The following CCDC144A variants were observed in gnomAD, a reference collection of about 807,000 sequenced individuals.
CCDC144A encodes coiled-coil domain containing 144A.
A neutral mutation model predicts 143.8 loss-of-function variants in CCDC144A; 41 were observed. That is an observed-to-expected ratio of 0.29 (90% confidence interval 0.22 to 0.37). The LOEUF (loss-of-function observed/expected upper bound fraction) is 0.37, where lower values mean the gene tolerates loss of function less well. Among genes scored for constraint, CCDC144A ranks in the 10% least tolerant of loss-of-function variants. The pLI, the probability that CCDC144A is intolerant of heterozygous loss-of-function variation, is 1.00. For synonymous variants in CCDC144A, 242 were observed against 517.9 expected (o/e 0.47, Z 7.23); for missense variants, 637 against 1,488.8 (o/e 0.43, Z 9.41).
At chr17:16,728,303 T>A (rs1410795431) in intron 9 of CCDC144A, among the ~76,000 whole-genome samples, 1 of 152,242 alleles carries the variant, frequency 6.6e-6, no homozygotes, top group Non-Finnish European at 1.5e-5. Flanking sequence ...GCCTCCCAAA[T>A]CATTAGTATG....
chr17:16,746,909 C>A, intron 12 of CCDC144A: 1 of 609,968 alleles, frequency 1.6e-6, no homozygotes, highest in Non-Finnish European at 2.9e-6. Context: ...CCCTCCCTCC[C>A]CTCTAGGTCC....
In CCDC144A at chr17:16,690,673, C is replaced by T. The variant is rs2143024285; in HGVS notation, c.273C>T (p.Gly91=). 6.2e-7 allele frequency: 1 copy of T among 1,613,746 alleles called. No homozygotes were observed. The highest frequency in any genetic ancestry group is 1.1e-5 in the South Asian group (1 of 91,046). The change falls in exon 1 of 17, where the codon GGC becomes GGT. Residue 91 remains glycine (G), a synonymous_variant. Coordinates refer to ENST00000399273, the MANE Select transcript of CCDC144A (RefSeq NM_001382000.1). The stretch of plus-strand genomic sequence containing the variant: ...AGCTCCACAGAGCTGCCCGGTCGGG[C>T]GACGTCCCTGGGGTGGAGCACATCT... ...LGELHRAARS[G]DVPGVEHILA...
chr17:16,675,271 A>AAG, the CCDC144A span, among the ~76,000 whole-genome samples: 3 of 148,458 alleles, frequency 2.0e-5, no homozygotes, highest in African/African-American at 7.4e-5. Flanking sequence ...TCCATCTTGA[A>AAG]AAAAAAAAAA....
chr17:16,729,866 A>AT (rs1567597545), intron 9 of CCDC144A, among the ~76,000 whole-genome samples: 106 of 142,048 alleles, frequency 7.5e-4, no homozygotes, highest in Admixed American at 3.0e-3. Context: ...CAAAAAAAAA[A>AT]AATATATATA....
In CCDC144A at chr17:16,729,991, T is replaced by TATATATATATATACACACAC. The variant is rs1491438660; in HGVS notation, c.2106-1808_2106-1807insTATATATATATACACACACA. On this transcript the variant is annotated intron_variant, in intron 9 of 16. Coordinates refer to ENST00000399273, the MANE Select transcript of CCDC144A (RefSeq NM_001382000.1). ...ATATATATATATATATATATATATA[T>TATATATATATATACACACAC]ACACACATACATTTTTTGTTTTTTT... is the stretch of plus-strand genomic sequence containing the variant. Among the ~76,000 whole-genome samples the TATATATATATATACACACAC allele has an allele frequency of 7.4e-4, 85 of 114,836 alleles. 1 individual carries two copies. The highest frequency in any genetic ancestry group is 1.3e-3 in the Non-Finnish European group (71 of 53,942). The allele number at this position is 114,836 out of a possible 152,430, so 75.3% of individuals were successfully genotyped here.
At chr17:16,767,564 A>T (rs1915659539) in intron 15 of CCDC144A, among the ~76,000 whole-genome samples, 1 of 152,196 alleles carries the variant, frequency 6.6e-6, no homozygotes, top group Non-Finnish European at 1.5e-5. Flanking sequence ...GGCATTACAA[A>T]ACAGGATATT....
At chr17:16,739,976 A>G (rs1264852917) in intron 12 of CCDC144A, among the ~76,000 whole-genome samples, 2 of 151,128 alleles carry the variant, frequency 1.3e-5, no homozygotes, top group Non-Finnish European at 2.9e-5. Flanking sequence ...AGATCCCATT[A>G]ATTTTTTTTC....
chr17:16,693,986 CAT>C (rs1400096006), intron 2 of CCDC144A, among the ~76,000 whole-genome samples: 1 of 147,638 alleles, frequency 6.8e-6, no homozygotes, highest in Non-Finnish European at 1.5e-5. Context: ...TTAAGAAAAT[CAT>C]AAGGCAGAAA....
At position 16,699,915 on chromosome 17, in the gene CCDC144A, TC is replaced by T. The variant is rs551527828; in HGVS notation, c.416-5235del. ...AGTACAGGAATCTCCAAGGCAAATG[TC>T]AAAAAATAAAAAATAAGCAGATTAG... On this transcript the variant is annotated intron_variant, in intron 2 of 16. Coordinates refer to ENST00000399273, the MANE Select transcript of CCDC144A (RefSeq NM_001382000.1). Among the ~76,000 whole-genome samples the T allele has an allele frequency of 3.5e-3, 537 of 152,240 alleles. 5 individuals are homozygous for T. Among genetic ancestry groups the T allele is most frequent in the African/African-American group, 0.012 (498 of 41,522 alleles).
intron 2 of CCDC144A, among the ~76,000 whole-genome samples, chr17:16,697,899 G>C (rs982392804): frequency 6.6e-6 from 1 of 152,226 alleles, no homozygotes; most frequent in Non-Finnish European, 1.5e-5. Flanking sequence ...TTTCTGGCTT[G>C]TGCCCTAGCA....
intron 5 of CCDC144A, chr17:16,710,213 G>GCAC (rs1288595919): frequency 1.2e-5 from 2 of 162,804 alleles, no homozygotes; most frequent in African/African-American, 4.8e-5. Context: ...TGGGAGCGGG[G>GCAC]CACCACCAGA....
chr17:16,717,508 G>C (rs1567592368), intron 6 of CCDC144A, among the ~76,000 whole-genome samples: 5 of 152,036 alleles, frequency 3.3e-5, no homozygotes, highest in Admixed American at 3.3e-4. Flanking sequence ...AGACTCCATG[G>C]GACTAATCTT....
At chr17:16,698,144 A>G (rs1186071736) in intron 2 of CCDC144A, among the ~76,000 whole-genome samples, 1 of 151,972 alleles carries the variant, frequency 6.6e-6, no homozygotes, top group Non-Finnish European at 1.5e-5. Context: ...CTTGTCCATG[A>G]TGGGAAAGGT....
chr17:16,680,736 C>T, the CCDC144A span, among the ~76,000 whole-genome samples: 2 of 151,982 alleles, frequency 1.3e-5, no homozygotes, highest in East Asian at 3.9e-4. Flanking sequence ...TCAAGCTCTA[C>T]AGTAGCAAAG....
At chr17:16,753,428 GTTTTTTTTTTTTTTTTT>G in intron 12 of CCDC144A, among the ~76,000 whole-genome samples, 1 of 57,366 alleles carries the variant, frequency 1.7e-5, no homozygotes, top group African/African-American at 7.0e-5. Flanking sequence ...GTGTTTTGTA[GTTTTTTTTTTTTTTTTT>G]TTTTTTTTTT....
At chr17:16,768,649 CT>C (rs1335134852) in intron 15 of CCDC144A, among the ~76,000 whole-genome samples, 2 of 152,198 alleles carry the variant, frequency 1.3e-5, no homozygotes, top group East Asian at 3.8e-4. Context: ...ATCAGAAGTA[CT>C]TTTTATAGTT....
At chr17:16,755,701 AG>A (rs1438745857) in intron 12 of CCDC144A, among the ~76,000 whole-genome samples, 2 of 152,192 alleles carry the variant, frequency 1.3e-5, no homozygotes, top group Non-Finnish European at 2.9e-5. Context: ...CTGGGACCAC[AG>A]GCATGAGCCA....
intron 9 of CCDC144A, among the ~76,000 whole-genome samples, chr17:16,729,985 T>TAC (rs1327179866): frequency 1.6e-5 from 2 of 123,838 alleles, no homozygotes; most frequent in Non-Finnish European, 3.6e-5. Flanking sequence ...TATATATATA[T>TAC]ATATATACAC....
chr17:16,667,744 G>T, the CCDC144A span, among the ~76,000 whole-genome samples: 42 of 151,420 alleles, frequency 2.8e-4, no homozygotes, highest in African/African-American at 9.5e-4. Flanking sequence ...TTTATTACGC[G>T]TTTTCTCCTA....
Sources: gnomAD v4.1 joint callset for allele counts (sites outside exome capture counted in the v4.1 genomes callset) on GRCh38, gnomAD v4.1.1 for gene constraint, MANE v1.5 for transcripts, NCBI Gene and HGNC (gene_info 2026-07-23, HGNC 2026-07-21) for gene names.